The following ZNF320 variants were observed in gnomAD, a reference collection of about 807,000 sequenced individuals.
ZNF320 encodes the protein zinc finger gene 320.
A neutral mutation model predicts 6.8 loss-of-function variants in ZNF320; 2 were observed. The ratio of observed to expected loss-of-function variants is 0.29; its 90% CI spans 0.12 to 0.93. ZNF320 has a LOEUF of 0.93. Ranked by LOEUF, ZNF320 falls within the 40% of genes least tolerant of loss-of-function variation. The pLI is 0.55. For missense variants in ZNF320, 472 were observed against 611.0 expected (o/e 0.77, Z 2.40); for synonymous variants, 208 against 203.2 (o/e 1.02, Z -0.20).
upstream of ZNF320, among the ~76,000 whole-genome samples, chr19:52,900,283 C>A (rs1395478133): frequency 6.6e-6 from 1 of 152,190 alleles, no homozygotes; most frequent in African/African-American, 2.4e-5. Context: ...TATTATACAA[C>A]TTTTGCCTAA....
chr19:52,863,381 G>C (rs1471446076), exon 6 of ZNF320, among the ~76,000 whole-genome samples: 1 of 151,956 alleles, frequency 6.6e-6, no homozygotes, highest in Non-Finnish European at 1.5e-5. Context: ...GGTGGATCAC[G>C]AGGTCAGGAG....
In ZNF320 at chr19:52,881,850, T is replaced by C. The variant is rs761720870; in HGVS notation, c.276A>G (p.Lys92=). 80 of 1,613,816 alleles carry C rather than the reference T, an allele frequency of 5.0e-5. No homozygotes were observed. The highest frequency in any genetic ancestry group is 6.0e-5 in the Non-Finnish European group (71 of 1,179,874). ...IGAFCSQEIE[K]DIHDFVFQWQ... is the part of the protein sequence containing the mutation. ...ACTGAAACACAAAGTCATGAATGTC[T>C]TTCTCAATTTCCTGGGAGCAAAATG... Residue 92 remains lysine (K), a synonymous_variant, in exon 6 of 6, where the codon AAA becomes AAG. Transcript: ENST00000682928.
intron 5 of ZNF320, among the ~76,000 whole-genome samples, chr19:52,884,858 G>A (rs1451672488): frequency 6.6e-6 from 1 of 152,094 alleles, no homozygotes; most frequent in Non-Finnish European, 1.5e-5. Context: ...GATGTTTAGG[G>A]TCTCTACTAT....
At chr19:52,873,010 G>C (rs2063707261), downstream of ZNF320, among the ~76,000 whole-genome samples, 1 of 152,162 alleles carries the variant, frequency 6.6e-6, no homozygotes, top group Non-Finnish European at 1.5e-5. Flanking sequence ...GTGCAGTAAA[G>C]AGCAGTATTG....
At chr19:52,873,791 G>C (rs773822037), downstream of ZNF320, among the ~76,000 whole-genome samples, 1 of 152,114 alleles carries the variant, frequency 6.6e-6, no homozygotes, top group Non-Finnish European at 1.5e-5. Flanking sequence ...ATGCCCAGTG[G>C]AGCCTCTTCC....
chr19:52,861,365 A>T (rs775319280), exon 6 of ZNF320, among the ~76,000 whole-genome samples: 18 of 152,246 alleles, frequency 1.2e-4, no homozygotes, highest in Admixed American at 2.6e-4. Flanking sequence ...AAAAACATAT[A>T]TAAATAGAGA....
At chr19:52,885,513 G>A (rs11670640) in intron 5 of ZNF320, among the ~76,000 whole-genome samples, 27,503 of 151,800 alleles carry the variant, frequency 0.18, 2,895 homozygotes, top group South Asian at 0.28. Context: ...TCAGGAGATC[G>A]AGACCATCCT....
At chr19:52,903,614 C>T in the ZNF320 span, among the ~76,000 whole-genome samples, 1 of 152,094 alleles carries the variant, frequency 6.6e-6, no homozygotes, top group Non-Finnish European at 1.5e-5. Context: ...TTCCTGGGGT[C>T]ACAGTTACAC....
At chr19:52,867,943 G>C (rs915500866) in intron 5 of ZNF320, among the ~76,000 whole-genome samples, 4 of 152,120 alleles carry the variant, frequency 2.6e-5, no homozygotes, top group South Asian at 4.1e-4. Context: ...CAAGGATTCA[G>C]CATGTTGGAC....
chr19:52,872,758 C>T (rs1489987187), downstream of ZNF320, among the ~76,000 whole-genome samples: 3 of 152,132 alleles, frequency 2.0e-5, no homozygotes, highest in Non-Finnish European at 4.4e-5. Flanking sequence ...GCCTCGGCCT[C>T]CCAAATTGCT....
chr19:52,902,991 A>T, the ZNF320 span, among the ~76,000 whole-genome samples: 1 of 152,218 alleles, frequency 6.6e-6, no homozygotes, highest in South Asian at 2.1e-4. Flanking sequence ...TAATTTTTTT[A>T]ACTTTTTAAT....
In ZNF320 at chr19:52,881,922, C is replaced by A; in HGVS notation, c.204G>T (p.Val68=). The A allele has an allele frequency of 6.2e-7, 1 of 1,611,544 alleles. No individual in the cohort carries two copies. Among genetic ancestry groups the A allele is most frequent in the Non-Finnish European group, 8.5e-7 (1 of 1,178,870 alleles). Residue 68 remains valine, a synonymous_variant, in exon 6 of 6, where the codon GTG becomes GTT. Transcript: ENST00000682928. ...LSSTGQGNTE[V]IHTGTLQRQA... is the part of the protein sequence containing the mutation. ...GTCTCTGCAATGTCCCTGTGTGGAT[C>A]ACTTCTGTATTGCCTTGCCCTGTTG...
chr19:52,881,616 G>A lies in ZNF320; in HGVS notation c.510C>T (p.Phe170=), dbSNP rs766680513. 4 of 1,613,916 alleles carry A rather than the reference G, an allele frequency of 2.5e-6. No individual in the cohort carries two copies. Among genetic ancestry groups the A allele is most frequent in the Non-Finnish European group, 3.4e-6 (4 of 1,179,918 alleles). Residue 170 remains phenylalanine (F), a synonymous_variant, in exon 6 of 6, where the codon TTC becomes TTT. Coordinates refer to ENST00000682928, the MANE Select transcript of ZNF320 (RefSeq NM_001351774.2). ...GTATTTCAAGATGTGATTTGCAACT[G>A]AAAACTTTCTCACATTCTTCACATT... The part of the protein sequence containing the change: ...PYKCEECEKV[F]SCKSHLEIHR...
intron 5 of ZNF320, among the ~76,000 whole-genome samples, chr19:52,887,330 C>A (rs528701309): frequency 3.9e-5 from 6 of 152,234 alleles, no homozygotes; most frequent in African/African-American, 1.4e-4. Context: ...GAAAGAGACT[C>A]GTGCTTATAA....
At chr19:52,873,327 C>G (rs538655023), downstream of ZNF320, among the ~76,000 whole-genome samples, 24 of 152,326 alleles carry the variant, frequency 1.6e-4, no homozygotes, top group African/African-American at 5.1e-4. Flanking sequence ...CAGCTTTCTG[C>G]AGTGCATTTG....
chr19:52,875,787 G>GA (rs11324599), downstream of ZNF320, among the ~76,000 whole-genome samples: 1,086 of 138,930 alleles, frequency 7.8e-3, 5 homozygotes, highest in Admixed American at 0.011. Flanking sequence ...CTCAAAAAAA[G>GA]AAAAAAAAAA....
At chr19:52,900,130 A>G (rs2064566719), upstream of ZNF320, among the ~76,000 whole-genome samples, 1 of 152,104 alleles carries the variant, frequency 6.6e-6, no homozygotes, top group Admixed American at 6.5e-5. Flanking sequence ...AGCTCTGTCT[A>G]TGTATCTGGT....
intron 5 of ZNF320, among the ~76,000 whole-genome samples, chr19:52,869,809 G>A (rs141428547): frequency 0.01 from 1,591 of 151,984 alleles, 13 homozygotes; most frequent in Middle Eastern, 0.034. Flanking sequence ...TCCGTCTAAT[G>A]GTTTCACGCC....
chr19:52,890,199 AAAGG>A, intron 4 of ZNF320, 38 bp downstream of exon 4: 1 of 1,601,850 alleles, frequency 6.2e-7, no homozygotes, highest in Non-Finnish European at 8.5e-7. Context: ...AGCATTTCTG[AAAGG>A]AAGGAGACAG....
Sources: allele counts gnomAD v4.1 joint callset (sites outside exome capture counted in the v4.1 genomes callset), GRCh38; gene constraint gnomAD v4.1.1; transcripts MANE v1.5; gene names NCBI Gene and HGNC (gene_info 2026-07-23, HGNC 2026-07-21).